Variants in NTRK3 observed in about 807,000 individuals in gnomAD.
The protein encoded by NTRK3 is neurotrophic receptor tyrosine kinase 3.
In NTRK3, 24 loss-of-function variants were observed where a neutral mutation model predicts 91.7. The observed-to-expected ratio is 0.26, with a 90% CI of 0.19 to 0.37. The LOEUF (loss-of-function observed/expected upper bound fraction) is 0.37. Among genes scored for constraint, NTRK3 ranks in the 10% least tolerant of loss-of-function variants. NTRK3 has a pLI of 1.00. For missense variants in NTRK3, 880 were observed against 1,068.9 expected (o/e 0.82, Z 2.46); for synonymous variants, 483 against 404.0 (o/e 1.20, Z -2.34).
chr15:88,129,196 G>T (rs964958817), intron 10 of NTRK3, among the ~76,000 whole-genome samples: 2 of 152,200 alleles, frequency 1.3e-5, no homozygotes, highest in African/African-American at 2.4e-5. Context: ...AGGTCACTGA[G>T]AAGTTCTTGA....
chr15:87,966,402 C>T (rs564271616), intron 14 of NTRK3, among the ~76,000 whole-genome samples: 4 of 152,308 alleles, frequency 2.6e-5, no homozygotes, highest in South Asian at 2.1e-4. Flanking sequence ...CTCAGATTTG[C>T]GAGTGGAGAC....
chr15:88,147,492 C>T, intron 5 of NTRK3, 89 bp from the exon 6 acceptor site: 1 of 1,094,420 alleles, frequency 9.1e-7, no homozygotes, highest in East Asian at 2.5e-5. Context: ...TCACTGGAGC[C>T]TGGCTTTGTT....
intron 14 of NTRK3, among the ~76,000 whole-genome samples, chr15:87,943,213 G>T (rs888240556): frequency 4.6e-5 from 7 of 152,168 alleles, no homozygotes; most frequent in African/African-American, 1.7e-4. Flanking sequence ...CCAGAACACG[G>T]CTTCTTTGGT....
At chr15:88,041,671 G>A (rs971126343) in intron 13 of NTRK3, among the ~76,000 whole-genome samples, 1 of 152,174 alleles carries the variant, frequency 6.6e-6, no homozygotes, top group Admixed American at 6.5e-5. Context: ...CCATGGTGAC[G>A]TGCAAAATGC....
At chr15:87,902,840 G>A (rs1350417580) in intron 17 of NTRK3, among the ~76,000 whole-genome samples, 1 of 152,018 alleles carries the variant, frequency 6.6e-6, no homozygotes, top group Non-Finnish European at 1.5e-5. Flanking sequence ...GATCCCAGAG[G>A]CCCATGTAAA....
chr15:87,950,677 G>A (rs2071023918), intron 14 of NTRK3, among the ~76,000 whole-genome samples: 1 of 152,182 alleles, frequency 6.6e-6, no homozygotes, highest in Admixed American at 6.5e-5. Context: ...CCACCTCATT[G>A]ACTTGCCATG....
intron 6 of NTRK3, among the ~76,000 whole-genome samples, chr15:88,142,677 C>T (rs929616263): frequency 1.3e-5 from 2 of 152,208 alleles, no homozygotes; most frequent in Non-Finnish European, 2.9e-5. Context: ...CTTGAGATAA[C>T]AACAGTCAGA....
chr15:87,882,149 G>T (rs1253118097), intron 17 of NTRK3, among the ~76,000 whole-genome samples: 1 of 152,078 alleles, frequency 6.6e-6, no homozygotes, highest in African/African-American at 2.4e-5. Flanking sequence ...ACCCACCTTG[G>T]CCTCCCAAAG....
chr15:87,966,913 G>A (rs1033678336), intron 14 of NTRK3, among the ~76,000 whole-genome samples: 1 of 152,122 alleles, frequency 6.6e-6, no homozygotes, highest in Non-Finnish European at 1.5e-5. Context: ...TTAGCATTTG[G>A]GGCTGGATCA....
intron 17 of NTRK3, among the ~76,000 whole-genome samples, chr15:87,883,380 AATAC>A (rs1345518185): frequency 6.7e-6 from 1 of 148,410 alleles, no homozygotes; most frequent in Non-Finnish European, 1.5e-5. Context: ...ATATAGAAAT[AATAC>A]ATATATATGT....
chr15:88,221,145 TA>T (rs1189807247), intron 3 of NTRK3, among the ~76,000 whole-genome samples: 1 of 152,228 alleles, frequency 6.6e-6, no homozygotes, highest in African/African-American at 2.4e-5. Flanking sequence ...GGTTATAAAG[TA>T]ATACAGACGT....
rs145904790 is a variant in NTRK3, at chr15:87,958,480, C to T, written c.1586-17727G>A. 1.8e-3 allele frequency among the ~76,000 whole-genome samples: 274 copies of T among 151,988 alleles called. 2 individuals carry two copies. Among genetic ancestry groups the T allele is most frequent in the East Asian group, 6.2e-3 (32 of 5,140 alleles). ...AGTGGTCTTTCACGTGTAACACAGC[C>T]GAAAAGAACTCTTGCTTCTTCTCCT... On this transcript the variant is annotated intron_variant, in intron 14 of 18. Transcript: ENST00000394480.
At chr15:88,053,847 TGGAACTG>T (rs2045448698) in intron 13 of NTRK3, among the ~76,000 whole-genome samples, 1 of 152,244 alleles carries the variant, frequency 6.6e-6, no homozygotes, top group Non-Finnish European at 1.5e-5. Context: ...CTATACTTAA[TGGAACTG>T]GTAAAAATCA....
At chr15:88,142,623 C>A (rs957714868) in intron 6 of NTRK3, among the ~76,000 whole-genome samples, 1 of 152,188 alleles carries the variant, frequency 6.6e-6, no homozygotes, top group African/African-American at 2.4e-5. Context: ...CTGCTGTCAC[C>A]CAGAAAAGGA....
intron 14 of NTRK3, among the ~76,000 whole-genome samples, chr15:87,961,686 A>G (rs1390797099): frequency 6.6e-6 from 1 of 152,218 alleles, no homozygotes; most frequent in Non-Finnish European, 1.5e-5. Flanking sequence ...CTGCTTTCTG[A>G]GCTGCAGCAG....
intron 3 of NTRK3, among the ~76,000 whole-genome samples, chr15:88,202,493 G>A (rs1254542175): frequency 6.6e-6 from 1 of 152,240 alleles, no homozygotes; most frequent in African/African-American, 2.4e-5. Context: ...GTTTCTGAAA[G>A]CTGTCCCGTG....
At chr15:88,256,395 C>T (rs1331657404) in exon 2 of NTRK3, 4 of 601,334 alleles carry the variant, frequency 6.7e-6, no homozygotes, top group African/African-American at 1.9e-5. Flanking sequence ...CGCCTAGTGG[C>T]GCGGTCTGCC....
intron 17 of NTRK3, among the ~76,000 whole-genome samples, chr15:87,906,207 G>A (rs554111527): frequency 6.6e-6 from 1 of 152,318 alleles, no homozygotes; most frequent in South Asian, 2.1e-4. Context: ...CATCCTCAAA[G>A]TGGAACTATA....
intron 5 of NTRK3, among the ~76,000 whole-genome samples, chr15:88,169,034 C>T (rs996407876): frequency 6.6e-5 from 10 of 152,204 alleles, no homozygotes; most frequent in Admixed American, 6.5e-4. Context: ...AGGCAAAGGC[C>T]ATGAGCTAGA....
Sources: allele counts gnomAD v4.1 joint callset (sites outside exome capture counted in the v4.1 genomes callset), GRCh38; gene constraint gnomAD v4.1.1; transcripts MANE v1.5; gene names NCBI Gene and HGNC (gene_info 2026-07-23, HGNC 2026-07-21).